RIN2: variants seen among roughly 807,000 people sequenced by gnomAD.
RIN2 encodes the protein Ras and Rab interactor 2.
RIN2 carries 36 observed loss-of-function variants against 78.0 expected under a neutral mutation model. The observed-to-expected ratio is 0.46, with a 90% CI of 0.35 to 0.61. RIN2 has a LOEUF of 0.61. RIN2 is among the 20% of genes least tolerant of loss of function. The probability of loss-of-function intolerance (pLI) is 0.00; values close to 1 mark genes in which losing one functional copy is unlikely to be tolerated. For missense variants in RIN2, 1,087 were observed against 1,159.7 expected (o/e 0.94, Z 0.91); for synonymous variants, 466 against 466.8 (o/e 1.00, Z 0.02).
chr20:19,852,991 G>T (rs369441837), intron 2 of RIN2, among the ~76,000 whole-genome samples: 4 of 150,354 alleles, frequency 2.7e-5, no homozygotes, highest in Non-Finnish European at 5.9e-5. Flanking sequence ...CCATTAACTC[G>T]TCATTTACAT....
At chr20:19,767,332 T>C (rs1014880812) in intron 1 of RIN2, among the ~76,000 whole-genome samples, 1 of 152,210 alleles carries the variant, frequency 6.6e-6, no homozygotes, top group Non-Finnish European at 1.5e-5. Context: ...AATGCTCTTA[T>C]GACCTATAGT....
intron 1 of RIN2, among the ~76,000 whole-genome samples, chr20:19,765,704 T>A (rs1216243642): frequency 6.8e-6 from 1 of 146,342 alleles, no homozygotes; most frequent in Non-Finnish European, 1.5e-5. Context: ...AATTTAGGGA[T>A]CCCACAAAGT....
chr20:19,758,130 C>G (rs1004050636), upstream of RIN2: 1 of 152,552 alleles, frequency 6.6e-6, no homozygotes, highest in African/African-American at 2.4e-5. Context: ...CGAGGGACGG[C>G]CCGAGGCAAA....
chr20:19,985,873 C>A (rs199600), intron 9 of RIN2, among the ~76,000 whole-genome samples: 50,819 of 152,036 alleles, frequency 0.33, 9,619 homozygotes, highest in Non-Finnish European at 0.43. Flanking sequence ...CCAGTCCTGG[C>A]TCTCCCTCTT....
chr20:19,974,948 C>G lies in RIN2; in HGVS notation c.923C>G (p.Pro308Arg), dbSNP rs374058245. 73 of 1,603,664 alleles carry G rather than the reference C, an allele frequency of 4.6e-5. No individual in the cohort carries two copies. The East Asian group carries it at 7.4e-4, about 16-fold the overall frequency. Residue 308 changes from proline (P) to arginine (R), a missense_variant, in exon 9 of 13, where the codon CCA becomes CGA. By Grantham distance (103) the Pro-to-Arg change is moderately radical. Around this residue, in one of 8 missense-constraint regions of RIN2, gnomAD observed 706 missense variants for 667.5 expected, o/e 1.06. Transcript: ENST00000255006. Reference protein sequence around the residue: ...ANGTERTRSPPPRPPPPAINS... With the variant: ...ANGTERTRSPRPRPPPPAINS... ...GGCACGGAGCGGACTCGGTCCCCCCCACCCAGGCCCCCGCCACCCGCTATT... is the reference window on the plus strand; with the variant it reads ...GGCACGGAGCGGACTCGGTCCCCCCGACCCAGGCCCCCGCCACCCGCTATT...
intron 2 of RIN2, among the ~76,000 whole-genome samples, chr20:19,870,308 A>C (rs532584281): frequency 6.6e-6 from 1 of 152,160 alleles, no homozygotes; most frequent in East Asian, 1.9e-4. Context: ...AGTCCAGATC[A>C]TGTCTTTTGC....
intron 4 of RIN2, among the ~76,000 whole-genome samples, chr20:19,951,355 G>T (rs2041310036): frequency 6.6e-6 from 1 of 152,092 alleles, no homozygotes; most frequent in Non-Finnish European, 1.5e-5. Flanking sequence ...ACTGAAATTT[G>T]GATTTTTCTG....
chr20:19,842,522 G>A (rs761715626), intron 2 of RIN2, among the ~76,000 whole-genome samples: 6 of 151,418 alleles, frequency 4.0e-5, no homozygotes, highest in African/African-American at 7.3e-5. Context: ...GATTACAGGC[G>A]TAAGCCACTG....
chr20:19,784,899 G>A (rs1328040605), intron 1 of RIN2, among the ~76,000 whole-genome samples: 1 of 152,134 alleles, frequency 6.6e-6, no homozygotes, highest in Non-Finnish European at 1.5e-5. Flanking sequence ...GGAGAGAGGA[G>A]GGAAACTAGG....
At chr20:19,894,179 T>A (rs2038614586) in intron 3 of RIN2, among the ~76,000 whole-genome samples, 1 of 152,222 alleles carries the variant, frequency 6.6e-6, no homozygotes, top group Non-Finnish European at 1.5e-5. Context: ...GAACACCTAC[T>A]GCTATCACAT....
chr20:19,819,693 C>T lies in RIN2; in HGVS notation c.-37+19946C>T, dbSNP rs546912913. 4.6e-5 allele frequency among the ~76,000 whole-genome samples: 7 copies of T among 152,240 alleles called. No homozygotes were observed. In the South Asian group the frequency reaches 1.5e-3, roughly 32 times the overall value. ...GGGACCACAGGTGCATGCCACCATGCCTAGCTAATTCTTTTATTTTTGTAG... is the reference window on the plus strand; with the variant it reads ...GGGACCACAGGTGCATGCCACCATGTCTAGCTAATTCTTTTATTTTTGTAG... On this transcript the variant is annotated intron_variant, in intron 2 of 12. Coordinates refer to ENST00000255006, the MANE Select transcript of RIN2 (RefSeq NM_018993.4).
intron 1 of RIN2, among the ~76,000 whole-genome samples, chr20:19,787,188 C>T (rs184353998): frequency 3.3e-5 from 5 of 151,894 alleles, no homozygotes; most frequent in East Asian, 1.9e-4. Context: ...TTTGGGAGGC[C>T]GAGGCAGGCA....
chr20:19,824,382 A>G (rs751669921), intron 2 of RIN2, among the ~76,000 whole-genome samples: 5 of 152,164 alleles, frequency 3.3e-5, no homozygotes, highest in Non-Finnish European at 7.3e-5. Flanking sequence ...CATCATCCTT[A>G]TTATTATTTA....
chr20:19,957,961 T>A (rs1470403474), intron 5 of RIN2, among the ~76,000 whole-genome samples: 1 of 152,154 alleles, frequency 6.6e-6, no homozygotes, highest in Non-Finnish European at 1.5e-5. Flanking sequence ...GATAAAATAA[T>A]ACTTAACACG....
At chr20:19,802,835 C>T (rs979494577) in intron 2 of RIN2, among the ~76,000 whole-genome samples, 11 of 152,134 alleles carry the variant, frequency 7.2e-5, no homozygotes, top group Admixed American at 7.2e-4. Flanking sequence ...CATACCTGAG[C>T]GAAGTCTTCC....
At chr20:19,985,191 A>G (rs981485911) in intron 9 of RIN2, among the ~76,000 whole-genome samples, 1 of 152,228 alleles carries the variant, frequency 6.6e-6, no homozygotes, top group Non-Finnish European at 1.5e-5. Flanking sequence ...TTCCTTGTCT[A>G]TCTCCAGCCT....
At chr20:19,850,206 T>C (rs1325311644) in intron 2 of RIN2, among the ~76,000 whole-genome samples, 4 of 152,312 alleles carry the variant, frequency 2.6e-5, no homozygotes, top group East Asian at 3.9e-4. Context: ...CTCCATACTT[T>C]TTCTGAGTGC....
intron 2 of RIN2, among the ~76,000 whole-genome samples, chr20:19,865,476 T>C: frequency 6.7e-6 from 1 of 148,754 alleles, no homozygotes; most frequent in East Asian, 2.0e-4. Flanking sequence ...TTTTAAAAGT[T>C]ATACTTTCTT....
intron 2 of RIN2, among the ~76,000 whole-genome samples, chr20:19,833,464 AC>A (rs1231441326): frequency 1.3e-5 from 2 of 151,968 alleles, no homozygotes; most frequent in Non-Finnish European, 2.9e-5. Context: ...TCCCGTGTCC[AC>A]ATAAAACCTA....
Sources: gnomAD v4.1 joint callset for allele counts (sites outside exome capture counted in the v4.1 genomes callset) on GRCh38, gnomAD v4.1.1 for gene constraint, gnomAD v4.1.1 regional missense constraint, MANE v1.5 for transcripts, NCBI Gene and HGNC (gene_info 2026-07-23, HGNC 2026-07-21) for gene names.